The following CEP78 variants were observed in gnomAD, a reference collection of about 807,000 sequenced individuals.
CEP78 encodes centrosomal protein of 78 kDa.
A neutral mutation model predicts 81.2 loss-of-function variants in CEP78; 76 were observed. The observed-to-expected ratio is 0.94, with a 90% CI of 0.78 to 1.13. The LOEUF is 1.13. Among genes scored for constraint, CEP78 ranks in the 50% most tolerant of loss-of-function variants. The probability of loss-of-function intolerance (pLI) is 0.00; values close to 1 mark genes in which losing one functional copy is unlikely to be tolerated. For missense variants in CEP78, 918 were observed against 846.8 expected (o/e 1.08, Z -1.04); for synonymous variants, 293 against 301.4 (o/e 0.97, Z 0.29).
At chr9:78,249,224 T>TTTGTCGTTG (rs142548300) in intron 8 of CEP78, 3,611 of 151,860 alleles carry the variant, frequency 0.024, 124 homozygotes, top group African/African-American at 0.082. Context: ...TTTGTATGAT[T>TTTGTCGTTG]TTGTTGTTAA....
At chr9:78,270,673 T>C (rs1827671899) in intron 16 of CEP78, among the ~76,000 whole-genome samples, 168 bp from the exon 17 acceptor site, 1 of 152,214 alleles carries the variant, frequency 6.6e-6, no homozygotes, top group African/African-American at 2.4e-5. Flanking sequence ...AATGAGTTCG[T>C]CCAATTTCAA....
chr9:78,263,421 A>C (rs1231354805), intron 12 of CEP78, among the ~76,000 whole-genome samples: 1 of 152,178 alleles, frequency 6.6e-6, no homozygotes, highest in Non-Finnish European at 1.5e-5. Flanking sequence ...TACCATGAGG[A>C]CTAAATTAGG....
chr9:78,246,790 G>A lies in CEP78; in HGVS notation c.892+8G>A, dbSNP rs372819004. ...GAAAAAATCCACTCATTGGTATGTC[G>A]CTACAATATTTTTTATTGACTAACA... On this transcript the variant is annotated splice_region_variant and intron_variant, in intron 6 of 16. Coordinates refer to ENST00000643273, the MANE Select transcript of CEP78 (RefSeq NM_001330691.3). The A allele has an allele frequency of 2.4e-5, 35 of 1,461,086 alleles. No homozygotes were observed. Among genetic ancestry groups the A allele is most frequent in the African/African-American group, 1.6e-4 (11 of 69,768 alleles). 90.5% of individuals were successfully genotyped at this position (1,461,086 alleles called of 1,614,324 possible).
intron 8 of CEP78, 101 bp from the exon 9 acceptor site, chr9:78,251,807 C>G: frequency 1.1e-6 from 1 of 938,108 alleles, no homozygotes; most frequent in Non-Finnish European, 1.5e-6. Flanking sequence ...GTGTCATTGT[C>G]AGGTGCCCAT....
Position 78,236,301 on chromosome 9 carries a change from G to A in CEP78, c.-50G>A. 1.3e-6 allele frequency: 2 copies of A among 1,501,886 alleles called. No individual in the cohort carries two copies. Among genetic ancestry groups the A allele is most frequent in the Non-Finnish European group, 1.8e-6 (2 of 1,119,678 alleles). The allele number at this position is 1,501,886 out of a possible 1,614,324, so 93.0% of individuals were successfully genotyped here. A position where few individuals can be genotyped will look rare whatever the true frequency, so the allele number is the denominator to read the frequency against. ...GTTGCGACTCAGCGTTCTTGGGTGG[G>A]CGCGGGCGGCGTCTCCGCGGCGGGC... On this transcript the variant is annotated 5_prime_UTR_variant, in exon 1 of 17. Coordinates refer to ENST00000643273, the MANE Select transcript of CEP78 (RefSeq NM_001330691.3).
intron 5 of CEP78, among the ~76,000 whole-genome samples, chr9:78,243,969 C>T (rs538929799): frequency 1.3e-5 from 2 of 151,740 alleles, no homozygotes; most frequent in East Asian, 3.9e-4. Context: ...ATTTTGTAAC[C>T]CTGCTTTTTT....
At chr9:78,248,675 ATAGAG>A in intron 7 of CEP78, 82 bp from the exon 8 acceptor site, 1 of 735,246 alleles carries the variant, frequency 1.4e-6, no homozygotes, top group Non-Finnish European at 2.3e-6. Context: ...TTTTATTAAC[ATAGAG>A]TATCTTAACA....
intron 10 of CEP78, among the ~76,000 whole-genome samples, chr9:78,254,237 A>G (rs181711367): frequency 1.5e-3 from 221 of 151,816 alleles, no homozygotes; most frequent in Non-Finnish European, 2.4e-3. Context: ...TTTTAATTCT[A>G]GTTTTTATTT....
Position 78,270,838 on chromosome 9 carries a change from T to C in CEP78, c.2108-3T>C. ...GACTGAACACATTCTTTTATGCTTC[T>C]AGAATCCCATTGAAATGACTGGAGA... On this transcript the variant is annotated splice_region_variant and splice_polypyrimidine_tract_variant and intron_variant, in intron 16 of 16. Coordinates refer to ENST00000643273, the MANE Select transcript of CEP78 (RefSeq NM_001330691.3). 1.4e-6 allele frequency: 1 copy of C among 696,132 alleles called. No individual in the cohort carries two copies. The highest frequency in any genetic ancestry group is 2.6e-6 in the Non-Finnish European group (1 of 378,752). 43.1% of individuals were successfully genotyped at this position (696,132 alleles called of 1,614,324 possible). A position where few individuals can be genotyped will look rare whatever the true frequency, so the allele number is the denominator to read the frequency against.
At chr9:78,241,027 T>TG (rs1826202743) in intron 3 of CEP78, among the ~76,000 whole-genome samples, 1 of 152,062 alleles carries the variant, frequency 6.6e-6, no homozygotes, top group South Asian at 2.1e-4. Flanking sequence ...TTTAATGCAC[T>TG]GTGGTATGTT....
At chr9:78,243,384 T>G in intron 4 of CEP78, 78 bp from the exon 5 acceptor site, 1 of 1,198,310 alleles carries the variant, frequency 8.3e-7, no homozygotes, top group Non-Finnish European at 1.2e-6. Flanking sequence ...TCTGATGTAA[T>G]CAGCTGTACT....
rs1451179112 is a variant in CEP78 at position 78,264,322 on chromosome 9, T to G, written c.1625+6T>G. On this transcript the variant is annotated splice_donor_region_variant and intron_variant, in intron 13 of 16. Transcript: ENST00000643273. ...GATCTCCTTAAAGATGCTGGGTTAG[T>G]TACTTTCTCCCTATGACATTCGTCC... is the stretch of plus-strand genomic sequence containing the variant. 2 of 1,612,372 alleles carry G rather than the reference T, an allele frequency of 1.2e-6. No individual in the cohort carries two copies. Among genetic ancestry groups the G allele is most frequent in the African/African-American group, 2.7e-5 (2 of 74,822 alleles).
intron 1 of CEP78, among the ~76,000 whole-genome samples, chr9:78,237,097 C>G (rs1022887302): frequency 1.3e-5 from 2 of 149,612 alleles, no homozygotes; most frequent in Non-Finnish European, 3.0e-5. Context: ...TCTCCTGCCT[C>G]AACCTCCCGA....
intron 3 of CEP78, 150 bp from the exon 4 acceptor site, chr9:78,241,546 T>C: frequency 2.0e-6 from 1 of 500,378 alleles, no homozygotes; most frequent in Non-Finnish European, 3.5e-6. Flanking sequence ...TTTTAGAATG[T>C]ACCAATCAGT....
chr9:78,258,780 A>G (rs1587594867), intron 11 of CEP78, among the ~76,000 whole-genome samples: 1 of 152,344 alleles, frequency 6.6e-6, no homozygotes, highest in East Asian at 1.9e-4. Context: ...AGGTAATCAG[A>G]GAAAAATGAA....
At position 78,248,348 on chromosome 9, in the gene CEP78, A is replaced by G. The variant is rs1826595844; in HGVS notation, c.950A>G (p.Lys317Arg). The change falls in exon 7 of 17, where the codon AAA (lysine) becomes AGA (arginine). Residue 317 changes from lysine (K) to arginine (R), a missense_variant. By Grantham distance (26) the Lys-to-Arg change is conservative (BLOSUM62 2). Transcript: ENST00000643273. The part of the protein sequence containing the change: ...KKVLQNGRSA[K>R]SEYQWITSPS... ...GTCCTCCAGAATGGAAGGAGTGCCA[A>G]ATCAGAGGTATATCATGTTTTATTT... The G allele has an allele frequency of 6.4e-7, 1 of 1,561,700 alleles. No homozygotes were observed. The highest frequency in any genetic ancestry group is 8.8e-7 in the Non-Finnish European group (1 of 1,132,518).
In CEP78 at chr9:78,236,511, A is replaced by G; in HGVS notation, c.161A>G (p.Asp54Gly). The G allele has an allele frequency of 6.2e-7, 1 of 1,607,028 alleles. No homozygotes were observed. Among genetic ancestry groups the G allele is most frequent in the Non-Finnish European group, 8.5e-7 (1 of 1,176,810 alleles). ...AACGCCGACCGCCTCCGCGGGGTGG[A>G]CTGGGCGCCTCTGCTGAGCACCCTC... ...DFNADRLRGV[D>G]WAPLLSTLKI... The change falls in exon 1 of 17, where the codon GAC becomes GGC. Residue 54 changes from aspartate to glycine, a missense_variant. By Grantham distance (94) the Asp-to-Gly change is moderately conservative (BLOSUM62 -1). Coordinates refer to ENST00000643273, the MANE Select transcript of CEP78 (RefSeq NM_001330691.3).
At chr9:78,247,555 C>T (rs1315807903) in intron 6 of CEP78, among the ~76,000 whole-genome samples, 1 of 152,140 alleles carries the variant, frequency 6.6e-6, no homozygotes, top group African/African-American at 2.4e-5. Flanking sequence ...GTTTGAAGGT[C>T]ACGGTAAGGA....
rs79315864 is a variant in CEP78, at chr9:78,237,314, T to C, written c.253+711T>C. The stretch of plus-strand genomic sequence containing the variant: ...TTTTTTAAGGTGTATATAAGAAGTT[T>C]GTAAAGTGCTTTACAAATACAAGCC... On this transcript the variant is annotated intron_variant, in intron 1 of 16. Transcript: ENST00000643273. Among the ~76,000 whole-genome samples, 1,404 of 152,198 alleles carry C rather than the reference T, an allele frequency of 9.2e-3. 17 individuals are homozygous for C. Among genetic ancestry groups the C allele is most frequent in the African/African-American group, 0.032 (1,340 of 41,520 alleles).
Sources: gnomAD v4.1 joint callset for allele counts (sites outside exome capture counted in the v4.1 genomes callset) on GRCh38, gnomAD v4.1.1 for gene constraint, MANE v1.5 for transcripts, NCBI Gene and HGNC (gene_info 2026-07-23, HGNC 2026-07-21) for gene names.